PLCB1: variants seen among roughly 807,000 people sequenced by gnomAD.
PLCB1 encodes 1-phosphatidylinositol 4,5-bisphosphate phosphodiesterase beta-1.
A neutral mutation model predicts 161.8 loss-of-function variants in PLCB1; 46 were observed. The ratio of observed to expected loss-of-function variants is 0.28; its 90% CI spans 0.22 to 0.36. PLCB1 has a LOEUF of 0.36. Ranked by LOEUF, PLCB1 falls within the 10% of genes least tolerant of loss-of-function variation. The pLI, the probability that PLCB1 is intolerant of heterozygous loss-of-function variation, is 1.00. For synonymous variants in PLCB1, 517 were observed against 503.7 expected (o/e 1.03, Z -0.35); for missense variants, 1,016 against 1,472.5 (o/e 0.69, Z 5.07).
chr20:8,204,892 T>G (rs1978444819), intron 2 of PLCB1, among the ~76,000 whole-genome samples: 1 of 152,172 alleles, frequency 6.6e-6, no homozygotes, highest in African/African-American at 2.4e-5. Flanking sequence ...TAGGGTTCCC[T>G]TTCATCATTT....
intron 4 of PLCB1, among the ~76,000 whole-genome samples, chr20:8,629,817 T>TTTCTTTCTTTC (rs1555777955): frequency 7.2e-5 from 7 of 97,074 alleles, no homozygotes; most frequent in Admixed American, 1.1e-4. Flanking sequence ...CTTTTCTTTC[T>TTTCTTTCTTTC]TTTCTTTCTT....
chr20:8,770,424 T>C (rs1267284157), intron 26 of PLCB1, among the ~76,000 whole-genome samples: 1 of 152,262 alleles, frequency 6.6e-6, no homozygotes, highest in African/African-American at 2.4e-5. Flanking sequence ...TTTAGTCTTA[T>C]GTACTATGAA....
intron 1 of PLCB1, among the ~76,000 whole-genome samples, chr20:8,139,200 C>T (rs970078066): frequency 6.7e-6 from 1 of 149,374 alleles, no homozygotes; most frequent in African/African-American, 2.5e-5. Flanking sequence ...TATTCTCGTG[C>T]CTCAGCCTCC....
chr20:8,349,488 A>G lies in PLCB1; in HGVS notation c.178-21894A>G, dbSNP rs188561076. On this transcript the variant is annotated intron_variant, in intron 2 of 31. Transcript: ENST00000338037. ...TGCAATTAGTGTCTGAATTTATTCTATGAAGAGTCCTTACAGTTTGTCTCC... is the reference window on the plus strand; with the variant it reads ...TGCAATTAGTGTCTGAATTTATTCTGTGAAGAGTCCTTACAGTTTGTCTCC... Among the ~76,000 whole-genome samples, 843 of 152,342 alleles carry G rather than the reference A, an allele frequency of 5.5e-3. 2 individuals carry two copies. The highest frequency in any genetic ancestry group is 7.6e-3 in the Non-Finnish European group (515 of 68,040).
chr20:8,505,135 G>A (rs1983585188), intron 3 of PLCB1, among the ~76,000 whole-genome samples: 1 of 152,156 alleles, frequency 6.6e-6, no homozygotes, highest in Non-Finnish European at 1.5e-5. Context: ...AAAGTGCTGG[G>A]ATTACATGTG....
rs866349868 is a variant in PLCB1 at position 8,792,545 on chromosome 20, A to C, written c.3423+2284A>C. 12 of 470,868 alleles carry C rather than the reference A, an allele frequency of 2.5e-5. No homozygotes were observed. The Middle Eastern group carries it at 2.6e-3, about 102-fold the overall frequency. 29.2% of individuals were successfully genotyped at this position (470,868 alleles called of 1,614,324 possible). A position where few individuals can be genotyped will look rare whatever the true frequency, so the allele number is the denominator to read the frequency against. On this transcript the variant is annotated intron_variant, in intron 31 of 31. Transcript: ENST00000338037. ...AAAGAGATCTGAAGTGTTTCTATGA[A>C]TTTTTAGTAGTTCTATTGTCTGCGT...
intron 31 of PLCB1, chr20:8,792,864 G>T: frequency 3.1e-6 from 1 of 327,580 alleles, no homozygotes; most frequent in Non-Finnish European, 6.0e-6. Flanking sequence ...TAGAGTAAAA[G>T]AACAAAATCA....
chr20:8,362,519 C>T (rs1480009803), intron 2 of PLCB1, among the ~76,000 whole-genome samples: 1 of 152,140 alleles, frequency 6.6e-6, no homozygotes, highest in Non-Finnish European at 1.5e-5. Flanking sequence ...AGCCGTGGTG[C>T]TATACATATA....
chr20:8,817,174 T>C (rs1367081760), intron 31 of PLCB1, among the ~76,000 whole-genome samples: 1 of 152,182 alleles, frequency 6.6e-6, no homozygotes, highest in Non-Finnish European at 1.5e-5. Context: ...GACCTGAGCT[T>C]CCAATGAAAA....
chr20:8,365,202 A>C (rs998346107), intron 2 of PLCB1, among the ~76,000 whole-genome samples: 1 of 152,250 alleles, frequency 6.6e-6, no homozygotes, highest in African/African-American at 2.4e-5. Context: ...CAAGGCATGC[A>C]TGAGCATCTG....
chr20:8,781,040 T>G (rs1279049736), intron 27 of PLCB1, among the ~76,000 whole-genome samples: 1 of 151,894 alleles, frequency 6.6e-6, no homozygotes, highest in Non-Finnish European at 1.5e-5. Flanking sequence ...TGTCTCTCCT[T>G]GAATGATTTC....
intron 2 of PLCB1, among the ~76,000 whole-genome samples, chr20:8,228,469 C>T (rs988156325): frequency 6.6e-6 from 1 of 152,206 alleles, no homozygotes; most frequent in East Asian, 1.9e-4. Flanking sequence ...TCCCCACCCC[C>T]GCATTTGTCC....
At chr20:8,246,601 G>C (rs912546357) in intron 2 of PLCB1, among the ~76,000 whole-genome samples, 3 of 151,926 alleles carry the variant, frequency 2.0e-5, no homozygotes, top group Non-Finnish European at 4.4e-5. Flanking sequence ...CAAAGAAAGA[G>C]GTTGAGGAAT....
intron 3 of PLCB1, among the ~76,000 whole-genome samples, chr20:8,524,860 T>C (rs1483011478): frequency 6.6e-6 from 1 of 152,158 alleles, no homozygotes; most frequent in Non-Finnish European, 1.5e-5. Flanking sequence ...GAAATAGTTT[T>C]ACTGTAGGGG....
intron 2 of PLCB1, among the ~76,000 whole-genome samples, chr20:8,310,443 T>C (rs887156859): frequency 6.6e-6 from 1 of 152,156 alleles, no homozygotes; most frequent in Non-Finnish European, 1.5e-5. Flanking sequence ...TTTTATTGCA[T>C]TTAGATGAAT....
chr20:8,877,197 G>C (rs1364308597), intron 31 of PLCB1, among the ~76,000 whole-genome samples: 4 of 152,164 alleles, frequency 2.6e-5, no homozygotes. Flanking sequence ...CAGAACAGAG[G>C]CAATCAAAAG....
intron 10 of PLCB1, among the ~76,000 whole-genome samples, chr20:8,689,957 G>A (rs1990436814): frequency 6.7e-6 from 1 of 150,148 alleles, no homozygotes; most frequent in Admixed American, 6.7e-5. Context: ...TCTAATAGCT[G>A]TCTCCAAATT....
At chr20:8,423,273 A>G (rs921663324) in intron 3 of PLCB1, among the ~76,000 whole-genome samples, 1 of 152,208 alleles carries the variant, frequency 6.6e-6, no homozygotes, top group East Asian at 1.9e-4. Context: ...ACAATAGATC[A>G]TAACACACTG....
intron 2 of PLCB1, among the ~76,000 whole-genome samples, chr20:8,332,632 C>T (rs898135138): frequency 6.6e-6 from 1 of 152,198 alleles, no homozygotes; most frequent in Non-Finnish European, 1.5e-5. Context: ...TTACACGTAG[C>T]CACTCAGTGG....
Sources: gnomAD v4.1 joint callset for allele counts (sites outside exome capture counted in the v4.1 genomes callset) on GRCh38, gnomAD v4.1.1 for gene constraint, MANE v1.5 for transcripts, NCBI Gene and HGNC (gene_info 2026-07-23, HGNC 2026-07-21) for gene names.